RNF150: variants seen among roughly 807,000 people sequenced by gnomAD.
The protein encoded by RNF150 is ring finger protein 150.
In RNF150, 24 loss-of-function variants were observed where a neutral mutation model predicts 39.3. The observed-to-expected ratio is 0.61, with a 90% CI of 0.44 to 0.86. The LOEUF (loss-of-function observed/expected upper bound fraction) is 0.86. Among genes scored for constraint, RNF150 ranks in the 40% least tolerant of loss-of-function variants. The probability of loss-of-function intolerance (pLI) is 0.00; values close to 1 mark genes in which losing one functional copy is unlikely to be tolerated. For synonymous variants in RNF150, 255 were observed against 227.3 expected (o/e 1.12, Z -1.10); for missense variants, 502 against 587.8 (o/e 0.85, Z 1.51).
intron 1 of RNF150, among the ~76,000 whole-genome samples, chr4:141,171,460 A>AAGAGAG (rs67118049): frequency 3.0e-4 from 45 of 148,928 alleles, no homozygotes; most frequent in Non-Finnish European, 4.8e-4. Flanking sequence ...GACAGACAGA[A>AAGAGAG]AGAGAGAGAG....
intron 1 of RNF150, among the ~76,000 whole-genome samples, chr4:141,084,162 G>C (rs1475105040): frequency 6.6e-6 from 1 of 152,098 alleles, no homozygotes; most frequent in African/African-American, 2.4e-5. Context: ...TCATTTTAAT[G>C]ACAATATCAG....
chr4:140,990,641 C>T (rs1312853608), intron 1 of RNF150, among the ~76,000 whole-genome samples: 4 of 152,192 alleles, frequency 2.6e-5, no homozygotes, highest in Admixed American at 2.6e-4. Context: ...CCAGCTCCAT[C>T]CATGTCCCTG....
chr4:140,877,884 A>C (rs1466919618), intron 6 of RNF150, among the ~76,000 whole-genome samples: 1 of 152,146 alleles, frequency 6.6e-6, no homozygotes, highest in Non-Finnish European at 1.5e-5. Context: ...GGGAAATGGA[A>C]TTCCTTCCAG....
intron 1 of RNF150, among the ~76,000 whole-genome samples, chr4:140,987,607 A>T (rs1734057397): frequency 6.6e-6 from 1 of 152,178 alleles, no homozygotes; most frequent in African/African-American, 2.4e-5. Flanking sequence ...CACATACAAA[A>T]ATTAACTCAA....
chr4:141,047,534 T>G (rs970631660), intron 1 of RNF150, among the ~76,000 whole-genome samples: 1 of 152,174 alleles, frequency 6.6e-6, no homozygotes, highest in African/African-American at 2.4e-5. Context: ...TAATTGGTTA[T>G]AAATCATTTT....
chr4:141,081,235 CT>C (rs1237889601), intron 1 of RNF150, among the ~76,000 whole-genome samples: 7 of 152,178 alleles, frequency 4.6e-5, no homozygotes, highest in African/African-American at 1.2e-4. Flanking sequence ...GTTAGTTGAA[CT>C]GTTACTTTAA....
At chr4:140,874,845 A>C (rs1456948224) in intron 6 of RNF150, among the ~76,000 whole-genome samples, 1 of 152,120 alleles carries the variant, frequency 6.6e-6, no homozygotes, top group Non-Finnish European at 1.5e-5. Context: ...TTTTTTTTAA[A>C]GTAGAAACAA....
intron 1 of RNF150, among the ~76,000 whole-genome samples, chr4:141,153,321 TA>T (rs1301414514): frequency 1.3e-5 from 2 of 152,136 alleles, no homozygotes; most frequent in Admixed American, 6.5e-5. Flanking sequence ...GTAATGAAGT[TA>T]AAATGAGGTC....
intron 6 of RNF150, among the ~76,000 whole-genome samples, chr4:140,893,506 C>T (rs977815416): frequency 3.9e-5 from 6 of 152,310 alleles, no homozygotes; most frequent in African/African-American, 7.2e-5. Flanking sequence ...GACTGAGCAG[C>T]GAGCTCAAGT....
At chr4:140,984,617 C>T (rs1158971525) in intron 1 of RNF150, among the ~76,000 whole-genome samples, 1 of 152,092 alleles carries the variant, frequency 6.6e-6, no homozygotes, top group African/African-American at 2.4e-5. Flanking sequence ...ATTACACTCC[C>T]CTATCCCATA....
chr4:141,040,157 G>A (rs952236642), intron 1 of RNF150, among the ~76,000 whole-genome samples: 1 of 119,084 alleles, frequency 8.4e-6, no homozygotes, highest in Admixed American at 8.8e-5. Flanking sequence ...CCCGGGTGCT[G>A]GTAACACAAC....
rs891206415 is a variant in RNF150 at position 141,209,754 on chromosome 4, T to TG, written c.-6+3039dup. On this transcript the variant is annotated intron_variant, in intron 1 of 7. Coordinates refer to the RNF150 transcript ENST00000420921. ...CTTTTAATTCCCCATCCACCCAAAA[T>TG]GGGGGGGTATCTATAAAAAAAAACT... Among the ~76,000 whole-genome samples, 157 of 151,952 alleles carry TG rather than the reference T, an allele frequency of 1.0e-3. 3 individuals carry two copies. Among genetic ancestry groups the TG allele is most frequent in the African/African-American group, 3.7e-3 (152 of 41,420 alleles).
intron 1 of RNF150, among the ~76,000 whole-genome samples, chr4:141,146,662 T>G (rs968420583): frequency 6.6e-6 from 1 of 152,154 alleles, no homozygotes; most frequent in Non-Finnish European, 1.5e-5. Flanking sequence ...GTTACTGTAC[T>G]CTCATCCCTT....
At chr4:140,935,225 A>G (rs1455780564) in intron 4 of RNF150, among the ~76,000 whole-genome samples, 1 of 151,530 alleles carries the variant, frequency 6.6e-6, no homozygotes, top group Non-Finnish European at 1.5e-5. Context: ...TCCTGTTGCT[A>G]CTAACATCAA....
chr4:140,917,875 G>A (rs182015826), intron 5 of RNF150, among the ~76,000 whole-genome samples: 8 of 151,860 alleles, frequency 5.3e-5, no homozygotes, highest in East Asian at 1.9e-4. Flanking sequence ...CTAGAACTCC[G>A]GATTAAGAAA....
At chr4:140,973,904 G>T (rs958717487) in intron 1 of RNF150, among the ~76,000 whole-genome samples, 3 of 149,756 alleles carry the variant, frequency 2.0e-5, no homozygotes, top group African/African-American at 7.3e-5. Context: ...AAAAGAAGAG[G>T]TAAAAACAGT....
chr4:141,015,472 T>G (rs531799447), intron 1 of RNF150, among the ~76,000 whole-genome samples: 1 of 152,202 alleles, frequency 6.6e-6, no homozygotes, highest in Non-Finnish European at 1.5e-5. Context: ...GTATTTTATC[T>G]TCTTGGTTAA....
At chr4:141,070,539 AAAAC>A (rs1560721179) in intron 1 of RNF150, among the ~76,000 whole-genome samples, 2 of 150,382 alleles carry the variant, frequency 1.3e-5, no homozygotes, top group Non-Finnish European at 3.0e-5. Context: ...TTACAAGAAA[AAAAC>A]AAACAACCCC....
At chr4:141,122,674 G>C (rs1226637916) in intron 1 of RNF150, among the ~76,000 whole-genome samples, 1 of 152,082 alleles carries the variant, frequency 6.6e-6, no homozygotes, top group South Asian at 2.1e-4. Context: ...AAATATCTTG[G>C]AAGAACCAAG....
Sources: allele counts gnomAD v4.1 joint callset (sites outside exome capture counted in the v4.1 genomes callset), GRCh38; gene constraint gnomAD v4.1.1; transcripts MANE v1.5; gene names NCBI Gene and HGNC (gene_info 2026-07-23, HGNC 2026-07-21).